The following ESRRB variants were observed in gnomAD, a reference collection of about 807,000 sequenced individuals.
ESRRB encodes steroid hormone receptor ERR2.
In ESRRB, 16 loss-of-function variants were observed where a neutral mutation model predicts 46.0. The observed-to-expected ratio is 0.35, with a 90% CI of 0.24 to 0.53. The LOEUF (loss-of-function observed/expected upper bound fraction) is 0.53. Among genes scored for constraint, ESRRB ranks in the 20% least tolerant of loss-of-function variants. The pLI is 0.93. For missense variants in ESRRB, 488 were observed against 607.4 expected, an observed-to-expected ratio of 0.80 and a Z score of 2.07; for synonymous variants, 246 against 259.6, an observed-to-expected ratio of 0.95 and a Z score of 0.50.
At chr14:76,364,473 G>T (rs954071184) in intron 1 of ESRRB, among the ~76,000 whole-genome samples, 5 of 152,124 alleles carry the variant, frequency 3.3e-5, no homozygotes, top group African/African-American at 1.2e-4. Context: ...TGGATCACCT[G>T]AGATCAGGAG....
chr14:76,485,657 G>GAGAA (rs1160189676), intron 5 of ESRRB, among the ~76,000 whole-genome samples: 6 of 146,758 alleles, frequency 4.1e-5, no homozygotes, highest in African/African-American at 1.6e-4. Context: ...GAGAGAGAGA[G>GAGAA]AGAAAGAAAG....
At chr14:76,356,473 G>A (rs1299925212) in intron 1 of ESRRB, among the ~76,000 whole-genome samples, 1 of 152,114 alleles carries the variant, frequency 6.6e-6, no homozygotes, top group Non-Finnish European at 1.5e-5. Flanking sequence ...CCCAAAGCCT[G>A]TGCTCTATGT....
At chr14:76,457,170 T>A (rs2139977542) in intron 2 of ESRRB, among the ~76,000 whole-genome samples, 1 of 152,270 alleles carries the variant, frequency 6.6e-6, no homozygotes, top group Non-Finnish European at 1.5e-5. Context: ...GTTACCCCTC[T>A]GCCTTAAGGT....
At chr14:76,403,201 G>A (rs1382192583) in intron 1 of ESRRB, among the ~76,000 whole-genome samples, 1 of 152,142 alleles carries the variant, frequency 6.6e-6, no homozygotes, top group African/African-American at 2.4e-5. Context: ...TTTGCATTAG[G>A]AACTAGTGTC....
chr14:76,397,969 C>T (rs1885768581), intron 1 of ESRRB, among the ~76,000 whole-genome samples: 1 of 152,212 alleles, frequency 6.6e-6, no homozygotes, highest in Non-Finnish European at 1.5e-5. Flanking sequence ...TTTGAATAAA[C>T]CCCTTTGTTT....
chr14:76,487,276 A>T (rs1890056264), intron 5 of ESRRB, among the ~76,000 whole-genome samples: 1 of 152,226 alleles, frequency 6.6e-6, no homozygotes, highest in Middle Eastern at 3.2e-3. Flanking sequence ...GAGTGCTGTT[A>T]TGATTTCCAT....
At chr14:76,313,699 A>G (rs1381402344) in intron 1 of ESRRB, among the ~76,000 whole-genome samples, 1 of 152,240 alleles carries the variant, frequency 6.6e-6, no homozygotes, top group Non-Finnish European at 1.5e-5. Flanking sequence ...TTAAAACCAA[A>G]GACCACGAGC....
intron 1 of ESRRB, among the ~76,000 whole-genome samples, chr14:76,386,603 T>C (rs529016767): frequency 1.3e-5 from 2 of 151,802 alleles, no homozygotes; most frequent in Admixed American, 1.3e-4. Flanking sequence ...ACTACAGGTG[T>C]GTGCCACCAC....
At chr14:76,342,343 C>T (rs1308100961) in intron 1 of ESRRB, among the ~76,000 whole-genome samples, 1 of 152,128 alleles carries the variant, frequency 6.6e-6, no homozygotes, top group Non-Finnish European at 1.5e-5. Context: ...AAAGAAGGAA[C>T]AGCATGGGCA....
chr14:76,486,633 G>T (rs866503041), intron 5 of ESRRB, among the ~76,000 whole-genome samples: 3 of 152,074 alleles, frequency 2.0e-5, no homozygotes, highest in African/African-American at 7.2e-5. Flanking sequence ...AGCTTGGGGA[G>T]AGCCTGAATG....
intron 1 of ESRRB, among the ~76,000 whole-genome samples, chr14:76,313,193 G>T (rs867540596): frequency 6.6e-6 from 1 of 152,094 alleles, no homozygotes; most frequent in African/African-American, 2.4e-5. Context: ...TTGGCCCATC[G>T]GGCTTAGTTA....
At chr14:76,328,284 G>T (rs1304439643) in intron 1 of ESRRB, among the ~76,000 whole-genome samples, 1 of 152,174 alleles carries the variant, frequency 6.6e-6, no homozygotes, top group African/African-American at 2.4e-5. Flanking sequence ...AAGCTCTACT[G>T]TGTGTTTTAG....
chr14:76,496,972 T>C (rs1890455920), intron 6 of ESRRB, among the ~76,000 whole-genome samples: 1 of 152,216 alleles, frequency 6.6e-6, no homozygotes. Flanking sequence ...GGCTGATGGA[T>C]TGCAAAGAAA....
chr14:76,391,617 T>C (rs917436499), intron 1 of ESRRB, among the ~76,000 whole-genome samples: 25 of 152,250 alleles, frequency 1.6e-4, no homozygotes, highest in Non-Finnish European at 3.4e-4. Flanking sequence ...TATGGGAGTC[T>C]TTCACTTTAC....
At chr14:76,346,412 G>A (rs886517939) in intron 1 of ESRRB, among the ~76,000 whole-genome samples, 1 of 152,122 alleles carries the variant, frequency 6.6e-6, no homozygotes, top group Non-Finnish European at 1.5e-5. Flanking sequence ...ACTTCCACCC[G>A]GGGCACCCAT....
chr14:76,388,175 C>CTTTTTTTTTTTT (rs35368784), intron 1 of ESRRB, among the ~76,000 whole-genome samples: 2 of 118,260 alleles, frequency 1.7e-5, no homozygotes, highest in Non-Finnish European at 3.4e-5. Flanking sequence ...TTCTTTCATT[C>CTTTTTTTTTTTT]TTTTTTTTTT....
chr14:76,324,318 A>G (rs1883902515), intron 1 of ESRRB, among the ~76,000 whole-genome samples: 1 of 152,150 alleles, frequency 6.6e-6, no homozygotes, highest in Non-Finnish European at 1.5e-5. Flanking sequence ...GGGAGGGAGT[A>G]GACTCCTAGG....
chr14:76,319,348 G>A (rs571916652), intron 1 of ESRRB, among the ~76,000 whole-genome samples: 2 of 152,302 alleles, frequency 1.3e-5, no homozygotes, highest in South Asian at 4.1e-4. Flanking sequence ...TCTGAGGGGT[G>A]CCATTTGTAT....
At chr14:76,448,938 G>C (rs918326244) in intron 2 of ESRRB, among the ~76,000 whole-genome samples, 1 of 152,096 alleles carries the variant, frequency 6.6e-6, no homozygotes, top group Non-Finnish European at 1.5e-5. Flanking sequence ...ATTTTGTGAA[G>C]GAAGTCTTAT....
Sources: allele counts gnomAD v4.1 joint callset (sites outside exome capture counted in the v4.1 genomes callset), GRCh38; gene constraint gnomAD v4.1.1; transcripts MANE v1.5; gene names NCBI Gene and HGNC (gene_info 2026-07-23, HGNC 2026-07-21).